The following RFX4 variants were observed in gnomAD, a reference collection of about 807,000 sequenced individuals.
RFX4 encodes transcription factor RFX4.
A neutral mutation model predicts 95.0 loss-of-function variants in RFX4; 10 were observed. The ratio of observed to expected loss-of-function variants is 0.11; its 90% CI spans 0.06 to 0.18. RFX4 has a LOEUF of 0.18. Ranked by LOEUF, RFX4 falls within the 10% of genes least tolerant of loss-of-function variation. RFX4 has a pLI of 1.00. For synonymous variants in RFX4, 321 were observed against 340.7 expected, an observed-to-expected ratio of 0.94 and a Z score of 0.64; for missense variants, 640 against 922.0, an observed-to-expected ratio of 0.69 and a Z score of 3.96.
intron 3 of RFX4, 39 bp from the exon 4 acceptor site, chr12:106,654,189 G>A: frequency 1.2e-6 from 2 of 1,613,292 alleles, no homozygotes; most frequent in Non-Finnish European, 1.7e-6. Context: ...CTTGGGGAAG[G>A]TAACACATTT....
At chr12:106,658,264 C>G (rs151023326) in intron 4 of RFX4, among the ~76,000 whole-genome samples, 1 of 152,162 alleles carries the variant, frequency 6.6e-6, no homozygotes, top group African/African-American at 2.4e-5. Context: ...AGCCCATTTA[C>G]TGAGTAGAAA....
At chr12:106,757,547 CA>C (rs559762867) in intron 17 of RFX4, among the ~76,000 whole-genome samples, 1,620 of 56,628 alleles carry the variant, frequency 0.029, 9 homozygotes, top group African/African-American at 0.063. Context: ...GACCCTGTCT[CA>C]AAAAAAAAAA....
chr12:106,676,981 G>A (rs757535259), intron 4 of RFX4, among the ~76,000 whole-genome samples: 1 of 152,188 alleles, frequency 6.6e-6, no homozygotes, highest in African/African-American at 2.4e-5. Flanking sequence ...TCGCAGGTCT[G>A]CATCTGAGCT....
intron 1 of RFX4, among the ~76,000 whole-genome samples, chr12:106,591,053 G>C (rs1435919040): frequency 6.6e-6 from 1 of 152,098 alleles, no homozygotes; most frequent in East Asian, 1.9e-4. Flanking sequence ...ACCAGGATTT[G>C]AGCGGAGGGC....
intron 16 of RFX4, among the ~76,000 whole-genome samples, chr12:106,749,049 C>T (rs1368980878): frequency 6.7e-6 from 1 of 148,790 alleles, no homozygotes; most frequent in Non-Finnish European, 1.5e-5. Flanking sequence ...TGTGCCACTG[C>T]ACTCCAGCCT....
intron 5 of RFX4, chr12:106,683,435 AT>A (rs1317552257): frequency 2.9e-5 from 4 of 137,000 alleles, no homozygotes; most frequent in Non-Finnish European, 4.6e-5. Context: ...CTTGGAATAA[AT>A]TCCTAATAAT....
chr12:106,638,595 T>C (rs2040559729), intron 2 of RFX4, among the ~76,000 whole-genome samples: 2 of 152,200 alleles, frequency 1.3e-5, no homozygotes. Flanking sequence ...TACCATAAAC[T>C]GTGTGGGTTA....
Position 106,668,368 on chromosome 12 carries a change from T to G in RFX4, c.316-13625T>G, listed in dbSNP as rs148764948. 8.5e-5 allele frequency among the ~76,000 whole-genome samples: 13 copies of G among 152,292 alleles called. No homozygotes were observed. The East Asian group carries it at 2.5e-3, about 29-fold the overall frequency. On this transcript the variant is annotated intron_variant, in intron 4 of 17. Coordinates refer to ENST00000392842, the MANE Select transcript of RFX4 (RefSeq NM_213594.3). ...CTCAGCCCAGTGATTTTCCCTTACA[T>G]CTCATTGGCTGCCTTTGGCTATCAG... is the stretch of plus-strand genomic sequence containing the variant.
intron 3 of RFX4, among the ~76,000 whole-genome samples, chr12:106,641,968 TATCTA>T (rs2040636542): frequency 3.5e-5 from 1 of 28,500 alleles, no homozygotes; most frequent in Non-Finnish European, 7.2e-5. Context: ...TATCTATATC[TATCTA>T]TATCTATATC....
intron 1 of RFX4, chr12:106,601,020 A>T: frequency 1.3e-6 from 1 of 753,746 alleles, no homozygotes; most frequent in Non-Finnish European, 1.9e-6. Flanking sequence ...AGCTGCTCAG[A>T]GCCTGTCAAA....
In RFX4 at chr12:106,583,372, T is replaced by C; in HGVS notation, c.43+9T>C. On this transcript the variant is annotated intron_variant, in intron 1 of 17. Transcript: ENST00000392842. ...CGACATGGATTCCACAGGTTAGTCC[T>C]ACTGGCGGGGTTGGGGGGATACATT... The C allele has an allele frequency of 6.4e-7, 1 of 1,569,932 alleles. No homozygotes were observed. Among genetic ancestry groups the C allele is most frequent in the Non-Finnish European group, 8.6e-7 (1 of 1,163,346 alleles).
At chr12:106,696,572 C>T (rs1189991716) in intron 8 of RFX4, 126 bp downstream of exon 8, 4 of 878,708 alleles carry the variant, frequency 4.6e-6, no homozygotes, top group Middle Eastern at 7.1e-4. Context: ...TAATATTGAA[C>T]TTTTAAATAT....
chr12:106,628,316 G>A (rs1025176288), intron 2 of RFX4, among the ~76,000 whole-genome samples: 30 of 152,142 alleles, frequency 2.0e-4, no homozygotes, highest in African/African-American at 7.0e-4. Flanking sequence ...AATACTTGAG[G>A]GGAAGGCACT....
At chr12:106,626,619 G>A (rs11113063) in intron 2 of RFX4, among the ~76,000 whole-genome samples, 26,973 of 152,008 alleles carry the variant, frequency 0.18, 2,585 homozygotes, top group African/African-American at 0.26. Flanking sequence ...GTTCTATGCA[G>A]GTGGATTCAA....
chr12:106,725,986 C>G (rs1297079158), intron 13 of RFX4, among the ~76,000 whole-genome samples: 2 of 152,094 alleles, frequency 1.3e-5, no homozygotes, highest in Non-Finnish European at 2.9e-5. Flanking sequence ...GTGGCTCACA[C>G]CTGTAGTCCC....
chr12:106,640,971 G>A (rs1039662535), intron 3 of RFX4, among the ~76,000 whole-genome samples: 1 of 152,002 alleles, frequency 6.6e-6, no homozygotes, highest in Non-Finnish European at 1.5e-5. Context: ...TGTAGAGACA[G>A]GGTTTCACCA....
At chr12:106,719,109 G>A (rs1023589592) in intron 11 of RFX4, among the ~76,000 whole-genome samples, 2 of 151,992 alleles carry the variant, frequency 1.3e-5, no homozygotes, top group East Asian at 1.9e-4. Context: ...GCAACAAGGC[G>A]AGACTCCATC....
intron 4 of RFX4, among the ~76,000 whole-genome samples, chr12:106,678,092 G>T (rs949515443): frequency 1.3e-5 from 2 of 152,178 alleles, no homozygotes; most frequent in African/African-American, 4.8e-5. Flanking sequence ...GAATTCCCAG[G>T]CCCCATGCTA....
intron 16 of RFX4, among the ~76,000 whole-genome samples, 185 bp from the exon 17 acceptor site, chr12:106,750,470 C>T (rs1321373753): frequency 2.4e-5 from 3 of 123,950 alleles, no homozygotes; most frequent in Admixed American, 9.5e-5. Flanking sequence ...GAATGAGACC[C>T]TGACTCAAAA....
Sources: allele counts gnomAD v4.1 joint callset (sites outside exome capture counted in the v4.1 genomes callset), GRCh38; gene constraint gnomAD v4.1.1; transcripts MANE v1.5; gene names NCBI Gene and HGNC (gene_info 2026-07-23, HGNC 2026-07-21).